The following ROBO1 variants were observed in gnomAD, a reference collection of about 807,000 sequenced individuals.
ROBO1 encodes the protein roundabout homolog 1.
A neutral mutation model predicts 195.9 loss-of-function variants in ROBO1; 149 were observed. The observed-to-expected ratio is 0.76, with a 90% CI of 0.67 to 0.87. The LOEUF is 0.87. ROBO1 is among the 40% of genes least tolerant of loss of function. The probability of loss-of-function intolerance (pLI) is 0.00; values close to 1 mark genes in which losing one functional copy is unlikely to be tolerated. For missense variants in ROBO1, 1,933 were observed against 2,068.3 expected (o/e 0.93, Z 1.27); for synonymous variants, 816 against 733.2 (o/e 1.11, Z -1.82).
chr3:79,268,198 A>G (rs1225155523), intron 2 of ROBO1, among the ~76,000 whole-genome samples: 1 of 151,628 alleles, frequency 6.6e-6, no homozygotes, highest in Non-Finnish European at 1.5e-5. Context: ...AGTAAGCCTT[A>G]AAAAATACTG....
At chr3:78,686,026 C>T in intron 9 of ROBO1, 109 bp from the exon 10 acceptor site, 1 of 887,664 alleles carries the variant, frequency 1.1e-6, no homozygotes, top group Non-Finnish European at 1.7e-6. Flanking sequence ...TAAAAGTATT[C>T]ATACACATAT....
At chr3:79,279,976 T>C (rs887642017) in intron 2 of ROBO1, among the ~76,000 whole-genome samples, 7 of 152,218 alleles carry the variant, frequency 4.6e-5, no homozygotes, top group Non-Finnish European at 1.5e-5. Flanking sequence ...GGCATTATGT[T>C]AAGTGAAGTA....
At chr3:79,693,477 C>T (rs914723381) in intron 1 of ROBO1, among the ~76,000 whole-genome samples, 1 of 151,378 alleles carries the variant, frequency 6.6e-6, no homozygotes, top group Non-Finnish European at 1.5e-5. Flanking sequence ...TGTTCTGTAA[C>T]CCAGGCTGGA....
intron 2 of ROBO1, among the ~76,000 whole-genome samples, chr3:79,405,518 G>A (rs754629591): frequency 3.3e-5 from 5 of 152,154 alleles, no homozygotes; most frequent in East Asian, 1.9e-4. Flanking sequence ...GCTTCAGGCT[G>A]TATTTTAGTG....
chr3:78,677,124 G>C (rs992020934), intron 10 of ROBO1, among the ~76,000 whole-genome samples: 2 of 152,192 alleles, frequency 1.3e-5, no homozygotes, highest in Non-Finnish European at 2.9e-5. Context: ...AGCAAATGCT[G>C]AGAGATTTTG....
At chr3:79,697,566 AC>A (rs1364142528) in intron 1 of ROBO1, among the ~76,000 whole-genome samples, 1 of 151,476 alleles carries the variant, frequency 6.6e-6, no homozygotes, top group Non-Finnish European at 1.5e-5. Context: ...ATAAAAAGGA[AC>A]AAATACATAA....
chr3:79,557,741 A>T (rs60955466), intron 2 of ROBO1, among the ~76,000 whole-genome samples: 9,986 of 105,414 alleles, frequency 0.095, 569 homozygotes, highest in African/African-American at 0.18. Context: ...AAAACAAAAA[A>T]AAATATATAT....
chr3:79,549,531 C>CT (rs1287643560), intron 2 of ROBO1, among the ~76,000 whole-genome samples: 1 of 151,964 alleles, frequency 6.6e-6, no homozygotes, highest in East Asian at 1.9e-4. Context: ...CATGTACAGC[C>CT]TTTTTTTCCC....
At chr3:78,682,151 TC>T (rs1430187175) in intron 10 of ROBO1, among the ~76,000 whole-genome samples, 5 of 152,154 alleles carry the variant, frequency 3.3e-5, no homozygotes, top group East Asian at 1.9e-4. Flanking sequence ...ATTAAATTTT[TC>T]CCCCCTGAAG....
chr3:79,766,513 G>C (rs1445386053), intron 1 of ROBO1, among the ~76,000 whole-genome samples: 1 of 151,762 alleles, frequency 6.6e-6, no homozygotes, highest in South Asian at 2.1e-4. Flanking sequence ...CGCCCTCCAC[G>C]CGGTCCTCCG....
chr3:79,026,501 A>G (rs1164822128), intron 3 of ROBO1, among the ~76,000 whole-genome samples: 2 of 152,116 alleles, frequency 1.3e-5, no homozygotes, highest in African/African-American at 2.4e-5. Flanking sequence ...ATATGAAGTA[A>G]GAAGTTCAAA....
rs770388395 is a variant in ROBO1, at chr3:79,214,811, A to AATAT, written c.89-89276_89-89273dup. On this transcript the variant is annotated intron_variant, in intron 2 of 30. Coordinates refer to ENST00000464233, the MANE Select transcript of ROBO1 (RefSeq NM_002941.4). ...ATATACACCATACCACAAAACTGCA[A>AATAT]ATATATATATATATATTTTTTTTTT... Among the ~76,000 whole-genome samples, 149 of 143,396 alleles carry AATAT rather than the reference A, an allele frequency of 1.0e-3. 1 individual carries two copies. Among genetic ancestry groups the AATAT allele is most frequent in the Admixed American group, 1.5e-3 (21 of 14,328 alleles). The allele number at this position is 143,396 out of a possible 152,430, so 94.1% of individuals were successfully genotyped here.
At chr3:79,755,215 A>C (rs1358390232) in intron 1 of ROBO1, among the ~76,000 whole-genome samples, 2 of 152,028 alleles carry the variant, frequency 1.3e-5, no homozygotes, top group Non-Finnish European at 2.9e-5. Context: ...TTATACCCTC[A>C]AATTATCTCA....
intron 4 of ROBO1, among the ~76,000 whole-genome samples, chr3:78,920,123 T>C (rs899414250): frequency 6.6e-6 from 1 of 152,184 alleles, no homozygotes; most frequent in Non-Finnish European, 1.5e-5. Flanking sequence ...ATAGTAACAA[T>C]TATATTCCCA....
chr3:79,637,112 G>T (rs1381033671), intron 1 of ROBO1, among the ~76,000 whole-genome samples: 2 of 152,158 alleles, frequency 1.3e-5, no homozygotes, highest in Admixed American at 6.5e-5. Context: ...AGACGCTATG[G>T]TAATTGGGCA....
chr3:78,989,199 A>C (rs1452026077), intron 3 of ROBO1, among the ~76,000 whole-genome samples: 2 of 152,222 alleles, frequency 1.3e-5, no homozygotes, highest in Non-Finnish European at 2.9e-5. Context: ...AACACAAAGA[A>C]ATAATAAATG....
intron 2 of ROBO1, among the ~76,000 whole-genome samples, chr3:79,459,963 G>A (rs1442240551): frequency 6.6e-6 from 1 of 151,886 alleles, no homozygotes; most frequent in Non-Finnish European, 1.5e-5. Context: ...AGTAAGCTTA[G>A]GATTTTATAA....
In ROBO1 at chr3:79,343,562, G is replaced by C. The variant is rs546246400; in HGVS notation, c.89-218023C>G. On this transcript the variant is annotated intron_variant, in intron 2 of 30. Coordinates refer to ENST00000464233, the MANE Select transcript of ROBO1 (RefSeq NM_002941.4). ...TTAAAACAAAAGCCTTCACAGAAATGCACCTGAGACATTGAGAAAGTTAGT... is the reference window on the plus strand; with the variant it reads ...TTAAAACAAAAGCCTTCACAGAAATCCACCTGAGACATTGAGAAAGTTAGT... Among the ~76,000 whole-genome samples the C allele has an allele frequency of 5.4e-3, 827 of 152,240 alleles. 7 individuals carry two copies. The highest frequency in any genetic ancestry group is 0.035 in the South Asian group (171 of 4,830).
At chr3:79,224,518 C>A (rs2082192608) in intron 2 of ROBO1, among the ~76,000 whole-genome samples, 1 of 152,178 alleles carries the variant, frequency 6.6e-6, no homozygotes, top group Non-Finnish European at 1.5e-5. Flanking sequence ...ACACTAAAAT[C>A]ATCTTGTAAT....
Sources: gnomAD v4.1 joint callset for allele counts (sites outside exome capture counted in the v4.1 genomes callset) on GRCh38, gnomAD v4.1.1 for gene constraint, MANE v1.5 for transcripts, NCBI Gene and HGNC (gene_info 2026-07-23, HGNC 2026-07-21) for gene names.